The following WWOX variants were observed in gnomAD, a reference collection of about 807,000 sequenced individuals.
WWOX encodes WW domain containing oxidoreductase, also known as WW domain-containing oxidoreductase.
WWOX carries 69 observed loss-of-function variants against 46.2 expected under a neutral mutation model. The observed-to-expected ratio is 1.49, with a 90% CI of 1.23 to 1.82. The LOEUF is 1.82. Among genes scored for constraint, WWOX ranks in the 40% most tolerant of loss-of-function variants. The probability of loss-of-function intolerance (pLI) is 0.00; values close to 1 mark genes in which losing one functional copy is unlikely to be tolerated. For missense variants in WWOX, 919 were observed against 542.6 expected (o/e 1.69, Z -6.89); for synonymous variants, 359 against 202.6 (o/e 1.77, Z -6.56).
intron 8 of WWOX, among the ~76,000 whole-genome samples, chr16:78,856,489 A>G (rs1280354647): frequency 6.6e-6 from 1 of 152,148 alleles, no homozygotes; most frequent in African/African-American, 2.4e-5. Context: ...CTAAAAATAC[A>G]AAAATCAGCT....
In WWOX at chr16:78,183,712, T is replaced by G. The variant is rs190803160; in HGVS notation, c.516+19423T>G. ...CCACCCCTTCATGCCTTGCACATCC[T>G]GGGTTCTAACTCATTGAGGTGCCCC... On this transcript the variant is annotated intron_variant, in intron 5 of 8. Coordinates refer to ENST00000566780, the MANE Select transcript of WWOX (RefSeq NM_016373.4). Among the ~76,000 whole-genome samples, 428 of 152,306 alleles carry G rather than the reference T, an allele frequency of 2.8e-3. 8 individuals carry two copies. The highest frequency in any genetic ancestry group is 0.026 in the Admixed American group (401 of 15,302).
intron 8 of WWOX, among the ~76,000 whole-genome samples, chr16:79,159,199 A>G (rs2050438153): frequency 6.6e-6 from 1 of 152,240 alleles, no homozygotes; most frequent in Admixed American, 6.5e-5. Context: ...AGGTCACTGT[A>G]GTAATAGACT....
At chr16:78,299,736 C>T (rs960670725) in intron 5 of WWOX, among the ~76,000 whole-genome samples, 1 of 151,924 alleles carries the variant, frequency 6.6e-6, no homozygotes, top group Non-Finnish European at 1.5e-5. Context: ...GCCATGTTGC[C>T]CAGGCTGTTC....
At chr16:78,563,303 T>A (rs2044482939) in intron 8 of WWOX, among the ~76,000 whole-genome samples, 1 of 152,192 alleles carries the variant, frequency 6.6e-6, no homozygotes, top group African/African-American at 2.4e-5. Context: ...GCAACTTTCC[T>A]TTTATTTTAT....
intron 8 of WWOX, among the ~76,000 whole-genome samples, chr16:79,199,373 T>A (rs770210410): frequency 6.6e-6 from 1 of 152,100 alleles, no homozygotes; most frequent in Non-Finnish European, 1.5e-5. Flanking sequence ...TCTCCTGTCT[T>A]TAACTGGGGA....
intron 4 of WWOX, among the ~76,000 whole-genome samples, chr16:78,144,307 G>C (rs2034089301): frequency 6.7e-6 from 1 of 149,378 alleles, no homozygotes; most frequent in Admixed American, 6.8e-5. Flanking sequence ...GGTTTCCATG[G>C]GAGAATCTGA....
intron 8 of WWOX, chr16:78,897,856 T>C (rs984285084): frequency 6.6e-5 from 10 of 152,156 alleles, no homozygotes; most frequent in African/African-American, 2.4e-4. Flanking sequence ...TTTTTAATTA[T>C]AGCCTTTTTG....
At chr16:78,835,047 A>C (rs2051939723) in intron 8 of WWOX, among the ~76,000 whole-genome samples, 1 of 152,202 alleles carries the variant, frequency 6.6e-6, no homozygotes, top group East Asian at 1.9e-4. Context: ...AGGGGTTTGG[A>C]GGGCGTTAGT....
chr16:78,870,332 T>C (rs1302226776), intron 8 of WWOX, among the ~76,000 whole-genome samples: 2 of 152,082 alleles, frequency 1.3e-5, no homozygotes, highest in African/African-American at 4.8e-5. Flanking sequence ...GAATCATAAG[T>C]TTTTCAAACT....
rs140998275 is a variant in WWOX, at chr16:78,695,802, T to C, written c.1056+263050T>C. Among the ~76,000 whole-genome samples the C allele has an allele frequency of 8.5e-5, 13 of 152,292 alleles. 1 individual carries two copies. The highest frequency in any genetic ancestry group is 3.1e-4 in the African/African-American group (13 of 41,564). On this transcript the variant is annotated intron_variant, in intron 8 of 8. Transcript: ENST00000566780. The stretch of plus-strand genomic sequence containing the variant: ...AAACATATATTGAGCATTGACCAGG[T>C]GCCCAATATTTTAATGTCCCATGGG...
At position 78,234,948 on chromosome 16, in the gene WWOX, C is replaced by G. The variant is rs535574579; in HGVS notation, c.516+70659C>G. Among the ~76,000 whole-genome samples the G allele has an allele frequency of 2.0e-4, 31 of 151,662 alleles. No homozygotes were observed. The South Asian group carries it at 4.0e-3, about 19-fold the overall frequency. On this transcript the variant is annotated intron_variant, in intron 5 of 8. Coordinates refer to ENST00000566780, the MANE Select transcript of WWOX (RefSeq NM_016373.4). ...CTAACTGAGGGATTAAGGATATAAA[C>G]CCAACTTCAAATTTCTTTCTGGGTG...
chr16:79,135,031 T>C lies in WWOX; in HGVS notation c.1057-76577T>C, dbSNP rs187087947. Among the ~76,000 whole-genome samples, 201 of 152,294 alleles carry C rather than the reference T, an allele frequency of 1.3e-3. 1 individual carries two copies. Among genetic ancestry groups the C allele is most frequent in the Non-Finnish European group, 2.6e-3 (179 of 68,014 alleles). On this transcript the variant is annotated intron_variant, in intron 8 of 8. Transcript: ENST00000566780. ...GGGCTTATGCTGTTCATTGGATTAA[T>C]TTTTCTCTCTTATAAATAAAAAATA...
At chr16:78,579,683 G>A (rs948014938) in intron 8 of WWOX, among the ~76,000 whole-genome samples, 6 of 152,304 alleles carry the variant, frequency 3.9e-5, no homozygotes, top group Middle Eastern at 3.4e-3. Flanking sequence ...CATTACCGAC[G>A]GAGAAGTGGG....
rs145199513 is a variant in WWOX, at chr16:78,998,219, T to C, written c.1057-213389T>C. Among the ~76,000 whole-genome samples the C allele has an allele frequency of 1.7e-3, 257 of 152,222 alleles. 1 individual carries two copies. The highest frequency in any genetic ancestry group is 6.0e-3 in the African/African-American group (249 of 41,538). ...TAAGAAAACTGCACCATGAGTAAAA[T>C]GGGGACGTTTTTCTCTTCTGCTGGG... On this transcript the variant is annotated intron_variant, in intron 8 of 8. Coordinates refer to ENST00000566780, the MANE Select transcript of WWOX (RefSeq NM_016373.4).
At chr16:78,697,976 TAAC>T (rs1373842346) in intron 8 of WWOX, among the ~76,000 whole-genome samples, 2 of 152,194 alleles carry the variant, frequency 1.3e-5, no homozygotes, top group Non-Finnish European at 2.9e-5. Flanking sequence ...AAACTCCTGT[TAAC>T]AACTGAGTTG....
chr16:78,579,788 C>G (rs1402769956), intron 8 of WWOX, among the ~76,000 whole-genome samples: 1 of 152,130 alleles, frequency 6.6e-6, no homozygotes, highest in African/African-American at 2.4e-5. Flanking sequence ...GAGATAATAT[C>G]TTTAAATCTC....
At chr16:79,170,510 A>G (rs2150767338) in intron 8 of WWOX, among the ~76,000 whole-genome samples, 1 of 152,218 alleles carries the variant, frequency 6.6e-6, no homozygotes, top group East Asian at 1.9e-4. Context: ...AATGAGTTTC[A>G]TACCCTAAAT....
rs1402975035 is a variant in WWOX at position 78,422,842 on chromosome 16, T to TACAC, written c.606-2027_606-2026insCACA. Among the ~76,000 whole-genome samples, 85 of 76,296 alleles carry TACAC rather than the reference T, an allele frequency of 1.1e-3. 7 individuals are homozygous for TACAC. The highest frequency in any genetic ancestry group is 4.7e-3 in the African/African-American group (82 of 17,350). The allele number at this position is 76,296 out of a possible 152,430, so 50.1% of individuals were successfully genotyped here. ...ATACACACACATATATATATATACA[T>TACAC]ATACACACACACACACACACACACA... On this transcript the variant is annotated intron_variant, in intron 6 of 8. Coordinates refer to ENST00000566780, the MANE Select transcript of WWOX (RefSeq NM_016373.4).
At chr16:78,558,947 T>C (rs898949185) in intron 8 of WWOX, among the ~76,000 whole-genome samples, 5 of 152,216 alleles carry the variant, frequency 3.3e-5, no homozygotes, top group African/African-American at 1.2e-4. Context: ...TGGTTATCTG[T>C]TTAATTCTCT....
Sources: allele counts gnomAD v4.1 joint callset (sites outside exome capture counted in the v4.1 genomes callset), GRCh38; gene constraint gnomAD v4.1.1; transcripts MANE v1.5; gene names NCBI Gene and HGNC (gene_info 2026-07-23, HGNC 2026-07-21).